The following CILK1 variants were observed in gnomAD, a reference collection of about 807,000 sequenced individuals.
The protein encoded by CILK1 is ciliogenesis associated kinase 1, also known as serine/threonine-protein kinase ICK.
A neutral mutation model predicts 79.2 loss-of-function variants in CILK1; 47 were observed. That is an observed-to-expected ratio of 0.59 (90% confidence interval 0.47 to 0.76). CILK1 has a LOEUF of 0.76. CILK1 is among the 30% of genes least tolerant of loss of function. The pLI, the probability that CILK1 is intolerant of heterozygous loss-of-function variation, is 0.00. For synonymous variants in CILK1, 266 were observed against 275.9 expected (o/e 0.96, Z 0.36); for missense variants, 660 against 769.5 (o/e 0.86, Z 1.68).
At chr6:53,018,153 G>A (rs1430673586) in intron 7 of CILK1, among the ~76,000 whole-genome samples, 177 bp downstream of exon 7, 1 of 152,204 alleles carries the variant, frequency 6.6e-6, no homozygotes, top group Non-Finnish European at 1.5e-5. Flanking sequence ...TTAAGAACAG[G>A]AGGAGGAAGA....
chr6:53,040,632 C>G (rs1766639006), intron 2 of CILK1, among the ~76,000 whole-genome samples: 2 of 152,296 alleles, frequency 1.3e-5, no homozygotes, highest in African/African-American at 4.8e-5. Flanking sequence ...GACTCCTGAC[C>G]CAGAGAAACT....
At chr6:53,024,951 G>C (rs1765479754) in intron 5 of CILK1, among the ~76,000 whole-genome samples, 1 of 151,066 alleles carries the variant, frequency 6.6e-6, no homozygotes. Flanking sequence ...TCATGCCTCA[G>C]GCTCCCAAGT....
intron 1 of CILK1, chr6:53,054,699 C>T: frequency 6.6e-6 from 1 of 152,230 alleles, no homozygotes; most frequent in East Asian, 1.9e-4. Context: ...TAAGGCTGTA[C>T]TCAACTACCA....
intron 1 of CILK1, among the ~76,000 whole-genome samples, chr6:53,047,274 T>C (rs1018268822): frequency 6.6e-6 from 1 of 151,862 alleles, no homozygotes; most frequent in African/African-American, 2.4e-5. Flanking sequence ...TATGAACGAG[T>C]ATGTGTGTCA....
chr6:53,040,190 A>T (rs1255528245), intron 2 of CILK1, among the ~76,000 whole-genome samples: 1 of 152,072 alleles, frequency 6.6e-6, no homozygotes, highest in Non-Finnish European at 1.5e-5. Flanking sequence ...AGAGACTCCC[A>T]CCTCCTGCTA....
chr6:53,027,894 T>C (rs1765677956), intron 5 of CILK1, among the ~76,000 whole-genome samples: 1 of 152,130 alleles, frequency 6.6e-6, no homozygotes, highest in African/African-American at 2.4e-5. Context: ...ATGCCTGTAA[T>C]CCCAGCACTT....
At chr6:53,035,591 ATCCCTGAAG>A (rs1562029863) in intron 3 of CILK1, among the ~76,000 whole-genome samples, 1 of 152,120 alleles carries the variant, frequency 6.6e-6, no homozygotes, top group Non-Finnish European at 1.5e-5. Flanking sequence ...GGTGCAGAAT[ATCCCTGAAG>A]TCCACAGGGT....
At chr6:53,039,738 A>G (rs1766582896) in intron 2 of CILK1, among the ~76,000 whole-genome samples, 1 of 152,208 alleles carries the variant, frequency 6.6e-6, no homozygotes, top group African/African-American at 2.4e-5. Context: ...TTGGTCAAGT[A>G]GTTTTAGATG....
Position 53,018,493 on chromosome 6 carries a change from G to A in CILK1, c.500C>T (p.Ala167Val). The A allele has an allele frequency of 6.2e-7, 1 of 1,614,126 alleles. No homozygotes were observed. Among genetic ancestry groups the A allele is most frequent in the African/African-American group, 1.3e-5 (1 of 75,042 alleles). The change falls in exon 7 of 14, where the codon GCT becomes GTT. Residue 167 changes from alanine (A) to valine (V), a missense_variant. Transcript: ENST00000676107. The stretch of plus-strand genomic sequence containing the variant: ...GGTAGACCTCAGGAGTACTTCTGGA[G>A]CCCTGTACCTGGAGGAACAAAGGTT... Reference protein sequence around the residue: ...TDYVSTRWYRAPEVLLRSTNY... With the variant: ...TDYVSTRWYRVPEVLLRSTNY...
chr6:53,013,504 A>G (rs999266090), intron 9 of CILK1, among the ~76,000 whole-genome samples, 158 bp downstream of exon 9: 2 of 152,136 alleles, frequency 1.3e-5, no homozygotes, highest in African/African-American at 4.8e-5. Context: ...TAGATCTTTC[A>G]CTCCAAAGCC....
chr6:53,007,138 A>G (rs1055295602), intron 12 of CILK1, among the ~76,000 whole-genome samples: 22 of 152,248 alleles, frequency 1.4e-4, no homozygotes, highest in Non-Finnish European at 3.1e-4. Flanking sequence ...GCTTAAAGGT[A>G]CACATGGAAT....
chr6:53,023,431 C>G (rs1765377302), intron 5 of CILK1, among the ~76,000 whole-genome samples: 1 of 152,098 alleles, frequency 6.6e-6, no homozygotes, highest in Non-Finnish European at 1.5e-5. Context: ...CCAGGGTCAA[C>G]TAGAGAGCAA....
intron 5 of CILK1, among the ~76,000 whole-genome samples, chr6:53,028,925 G>T (rs1347636156): frequency 1.3e-5 from 2 of 151,744 alleles, no homozygotes; most frequent in Non-Finnish European, 2.9e-5. Flanking sequence ...TGTGTCTTGG[G>T]GTGCTTATGT....
intron 1 of CILK1, among the ~76,000 whole-genome samples, chr6:53,044,502 G>C (rs1164116032): frequency 3.9e-5 from 6 of 152,130 alleles, no homozygotes; most frequent in Admixed American, 2.0e-4. Flanking sequence ...TACTCTGAAG[G>C]GTTTACAGGT....
At chr6:53,043,144 C>T (rs1005510118) in intron 1 of CILK1, among the ~76,000 whole-genome samples, 1 of 151,800 alleles carries the variant, frequency 6.6e-6, no homozygotes, top group Non-Finnish European at 1.5e-5. Context: ...GGTGAAACCC[C>T]GTCTCTACTA....
At chr6:53,017,808 C>T (rs1019507160) in intron 7 of CILK1, among the ~76,000 whole-genome samples, 1 of 151,708 alleles carries the variant, frequency 6.6e-6, no homozygotes, top group Non-Finnish European at 1.5e-5. Context: ...AAGAGAAAGA[C>T]AGAAGGTAAA....
At chr6:53,020,379 G>C (rs778914226) in intron 5 of CILK1, among the ~76,000 whole-genome samples, 20 of 152,260 alleles carry the variant, frequency 1.3e-4, no homozygotes, top group South Asian at 1.0e-3. Flanking sequence ...ATCTCAATGG[G>C]ACACCAATAC....
intron 9 of CILK1, 74 bp from the exon 10 acceptor site, chr6:53,012,301 G>T: frequency 7.1e-7 from 1 of 1,400,890 alleles, no homozygotes; most frequent in South Asian, 1.2e-5. Context: ...ATCTCCATCT[G>T]AACTTTCTCT....
intron 11 of CILK1, among the ~76,000 whole-genome samples, chr6:53,010,618 A>G (rs1764519434): frequency 6.6e-6 from 1 of 152,182 alleles, no homozygotes; most frequent in Admixed American, 6.5e-5. Context: ...TTCCTCTCAC[A>G]GGACAAGCCC....
Sources: gnomAD v4.1 joint callset for allele counts (sites outside exome capture counted in the v4.1 genomes callset) on GRCh38, gnomAD v4.1.1 for gene constraint, MANE v1.5 for transcripts, NCBI Gene and HGNC (gene_info 2026-07-23, HGNC 2026-07-21) for gene names.